The following MAD1L1 variants were observed in gnomAD, a reference collection of about 807,000 sequenced individuals.
MAD1L1 encodes the protein mitotic spindle assembly checkpoint protein MAD1.
MAD1L1 carries 95 observed loss-of-function variants against 96.9 expected under a neutral mutation model. That is an observed-to-expected ratio of 0.98 (90% CI 0.83 to 1.16). The LOEUF (loss-of-function observed/expected upper bound fraction) is 1.16. Among genes scored for constraint, MAD1L1 ranks in the 50% most tolerant of loss-of-function variants. MAD1L1 has a pLI of 0.00. For missense variants in MAD1L1, 1,007 were observed against 954.4 expected, an observed-to-expected ratio of 1.06 and a Z score of -0.73; for synonymous variants, 473 against 396.6, an observed-to-expected ratio of 1.19 and a Z score of -2.29.
chr7:2,072,088 T>C (rs1269485955), intron 11 of MAD1L1, among the ~76,000 whole-genome samples: 2 of 152,206 alleles, frequency 1.3e-5, no homozygotes, highest in Non-Finnish European at 2.9e-5. Flanking sequence ...GGAACCCCAG[T>C]TTACAGCTGG....
chr7:2,120,081 C>G (rs1787900209), intron 11 of MAD1L1, among the ~76,000 whole-genome samples: 2 of 152,192 alleles, frequency 1.3e-5, no homozygotes, highest in East Asian at 1.9e-4. Flanking sequence ...TTTCACTCCT[C>G]CAAATGAAGT....
At chr7:1,939,814 C>T (rs908826739) in intron 16 of MAD1L1, among the ~76,000 whole-genome samples, 2 of 150,488 alleles carry the variant, frequency 1.3e-5, no homozygotes, top group Admixed American at 6.6e-5. Context: ...CACTGCTCTC[C>T]AAGTCCCCGA....
chr7:1,848,901 A>C (rs530473353), intron 18 of MAD1L1: 4 of 154,554 alleles, frequency 2.6e-5, no homozygotes, highest in African/African-American at 9.6e-5. Flanking sequence ...TCTGTGCCTC[A>C]ATAGGACAGC....
chr7:2,002,624 C>A lies in MAD1L1; in HGVS notation c.1360-503G>T, dbSNP rs544988710. ...GCCACCCCCAAGCAGGACCCCGACC[C>A]AGGCAGGAAGGGTCTCCTGCCCCGA... On this transcript the variant is annotated intron_variant, in intron 13 of 18. Transcript: ENST00000265854. 3.5e-4 allele frequency among the ~76,000 whole-genome samples: 54 copies of A among 152,326 alleles called. No homozygotes were observed. In the East Asian group the frequency reaches 5.4e-3, roughly 15 times the overall value.
At chr7:2,230,267 T>G (rs1794127731) in intron 2 of MAD1L1, 124 bp from the exon 3 acceptor site, 1 of 659,062 alleles carries the variant, frequency 1.5e-6, no homozygotes, top group African/African-American at 1.8e-5. Flanking sequence ...AATACACCCA[T>G]GCCTGTAACC....
At chr7:1,994,620 G>GC (rs1272417911) in intron 14 of MAD1L1, among the ~76,000 whole-genome samples, 4 of 152,144 alleles carry the variant, frequency 2.6e-5, no homozygotes, top group Non-Finnish European at 5.9e-5. Context: ...CTAGGAGGGA[G>GC]CCCGGGGAGG....
At chr7:2,065,021 C>T (rs892736383) in intron 12 of MAD1L1, among the ~76,000 whole-genome samples, 4 of 151,756 alleles carry the variant, frequency 2.6e-5, no homozygotes, top group Admixed American at 6.6e-5. Context: ...AGGAGGACAG[C>T]GGCTGCTCAT....
intron 12 of MAD1L1, among the ~76,000 whole-genome samples, chr7:2,027,370 T>A (rs1163017305): frequency 6.6e-6 from 1 of 152,100 alleles, no homozygotes; most frequent in East Asian, 1.9e-4. Flanking sequence ...AGAAAAGCCA[T>A]AACATCACAA....
chr7:2,077,724 G>C (rs1007847342), intron 11 of MAD1L1, among the ~76,000 whole-genome samples: 1 of 152,214 alleles, frequency 6.6e-6, no homozygotes, highest in Non-Finnish European at 1.5e-5. Context: ...GAGGCTAGCA[G>C]GGAGCAGAGG....
At chr7:1,842,920 C>T (rs969423450) in intron 18 of MAD1L1, among the ~76,000 whole-genome samples, 1 of 152,242 alleles carries the variant, frequency 6.6e-6, no homozygotes, top group Admixed American at 6.5e-5. Context: ...CTGCCTGGAG[C>T]TCAGGGGCTG....
chr7:2,232,107 C>A (rs1204220304), intron 1 of MAD1L1, among the ~76,000 whole-genome samples: 1 of 152,220 alleles, frequency 6.6e-6, no homozygotes, highest in East Asian at 1.9e-4. Context: ...AACTTTGCAC[C>A]CCCAACACCG....
At chr7:2,139,991 GC>G (rs915130212) in intron 11 of MAD1L1, among the ~76,000 whole-genome samples, 102 of 124,978 alleles carry the variant, frequency 8.2e-4, no homozygotes, top group African/African-American at 2.3e-3. Context: ...TCTGGACCCC[GC>G]CCCCCCCCAG....
intron 12 of MAD1L1, among the ~76,000 whole-genome samples, chr7:2,056,373 T>C (rs932431855): frequency 2.6e-5 from 4 of 151,872 alleles, no homozygotes; most frequent in African/African-American, 9.7e-5. Context: ...GCGCAGGCTC[T>C]TCTGTGGGAG....
chr7:2,215,205 C>CT (rs1411320342), intron 9 of MAD1L1, among the ~76,000 whole-genome samples: 1 of 152,074 alleles, frequency 6.6e-6, no homozygotes, highest in Non-Finnish European at 1.5e-5. Flanking sequence ...TGGTGAAACC[C>CT]TATCTCTACT....
chr7:2,186,990 G>T (rs879529061), intron 10 of MAD1L1, among the ~76,000 whole-genome samples: 3 of 151,822 alleles, frequency 2.0e-5, no homozygotes, highest in African/African-American at 7.3e-5. Context: ...ACGAGGTTTC[G>T]CCATGTTGGC....
intron 11 of MAD1L1, among the ~76,000 whole-genome samples, chr7:2,144,953 A>G (rs1789220958): frequency 6.6e-6 from 1 of 152,136 alleles, no homozygotes; most frequent in Non-Finnish European, 1.5e-5. Flanking sequence ...ATGACGCCCC[A>G]TCTGTCCACG....
intron 17 of MAD1L1, among the ~76,000 whole-genome samples, chr7:1,927,957 A>G (rs1251692794): frequency 6.6e-6 from 1 of 152,166 alleles, no homozygotes; most frequent in Non-Finnish European, 1.5e-5. Flanking sequence ...TAACAATTCA[A>G]TTAAAAAATA....
At chr7:1,880,157 C>T (rs930457967) in intron 18 of MAD1L1, among the ~76,000 whole-genome samples, 3 of 152,192 alleles carry the variant, frequency 2.0e-5, no homozygotes, top group Non-Finnish European at 4.4e-5. Flanking sequence ...AGGTGAGAAC[C>T]GGACACACCT....
intron 12 of MAD1L1, among the ~76,000 whole-genome samples, chr7:2,039,843 C>T (rs1043613454): frequency 7.2e-5 from 11 of 151,820 alleles, no homozygotes; most frequent in Non-Finnish European, 1.5e-4. Context: ...GGAACTTTCA[C>T]GGGGCAAAAA....
Sources: allele counts gnomAD v4.1 joint callset (sites outside exome capture counted in the v4.1 genomes callset), GRCh38; gene constraint gnomAD v4.1.1; transcripts MANE v1.5; gene names NCBI Gene and HGNC (gene_info 2026-07-23, HGNC 2026-07-21).